The following CLMN variants were observed in gnomAD, a reference collection of about 807,000 sequenced individuals.
The protein encoded by CLMN is calmin.
Under a neutral mutation model 92.7 loss-of-function variants are expected in CLMN, and 57 were observed. That is an observed-to-expected ratio of 0.61 (90% confidence interval 0.50 to 0.77). The LOEUF (loss-of-function observed/expected upper bound fraction) is 0.77, where lower values mean the gene tolerates loss of function less well. CLMN is among the 30% of genes least tolerant of loss of function. The pLI, the probability that CLMN is intolerant of heterozygous loss-of-function variation, is 0.00. For synonymous variants in CLMN, 466 were observed against 470.6 expected (o/e 0.99, Z 0.13); for missense variants, 1,158 against 1,237.5 (o/e 0.94, Z 0.96).
At chr14:95,193,236 G>A (rs1896603951) in intron 12 of CLMN, 6 of 880,870 alleles carry the variant, frequency 6.8e-6, no homozygotes, top group Non-Finnish European at 1.1e-5. Flanking sequence ...CGTTTTTCTG[G>A]TTTCCTATGT....
At chr14:95,266,809 A>T (rs934798960) in intron 1 of CLMN, among the ~76,000 whole-genome samples, 21 of 152,238 alleles carry the variant, frequency 1.4e-4, no homozygotes, top group Non-Finnish European at 1.5e-5. Context: ...AAGCCAAGTA[A>T]CCAAAACAGC....
intron 1 of CLMN, among the ~76,000 whole-genome samples, chr14:95,301,765 C>T (rs1008146831): frequency 3.3e-5 from 5 of 152,222 alleles, no homozygotes; most frequent in African/African-American, 9.6e-5. Context: ...AACGCAAAGT[C>T]CTTCTATAGG....
chr14:95,297,148 A>T (rs1900839513), intron 1 of CLMN, among the ~76,000 whole-genome samples: 1 of 152,200 alleles, frequency 6.6e-6, no homozygotes, highest in African/African-American at 2.4e-5. Flanking sequence ...TCATTTACAA[A>T]GTAAGCCTAT....
chr14:95,211,334 G>A (rs1044679940), intron 6 of CLMN, among the ~76,000 whole-genome samples: 4 of 152,152 alleles, frequency 2.6e-5, no homozygotes, highest in African/African-American at 9.7e-5. Flanking sequence ...GAACTTGCTG[G>A]GGCTTTTGTG....
intron 1 of CLMN, among the ~76,000 whole-genome samples, chr14:95,275,958 T>C (rs1899910150): frequency 6.6e-6 from 1 of 152,214 alleles, no homozygotes; most frequent in Non-Finnish European, 1.5e-5. Context: ...CCACCATGCC[T>C]GGCCTTTTTC....
At chr14:95,258,694 TTG>T (rs1352832296) in intron 1 of CLMN, among the ~76,000 whole-genome samples, 2 of 134,446 alleles carry the variant, frequency 1.5e-5, no homozygotes, top group Non-Finnish European at 3.1e-5. Context: ...TGGTGTGTGG[TTG>T]TGTGTGGAGG....
intron 1 of CLMN, among the ~76,000 whole-genome samples, chr14:95,288,345 T>C (rs183440285): frequency 6.6e-6 from 1 of 152,258 alleles, no homozygotes; most frequent in East Asian, 1.9e-4. Flanking sequence ...TTGAAAGAGA[T>C]AAGCCTAAGA....
chr14:95,224,826 C>T (rs1301516132), intron 2 of CLMN, among the ~76,000 whole-genome samples: 1 of 152,182 alleles, frequency 6.6e-6, no homozygotes, highest in Admixed American at 6.5e-5. Flanking sequence ...AGTGTGCCCT[C>T]CTGAGGTGCC....
chr14:95,221,662 T>TGTTA, intron 4 of CLMN, 29 bp downstream of exon 4: 4 of 1,593,366 alleles, frequency 2.5e-6, no homozygotes, highest in Non-Finnish European at 3.4e-6. Context: ...GACAAGCTTG[T>TGTTA]GTTAGCAGGA....
chr14:95,301,493 A>G (rs74077857), intron 1 of CLMN, among the ~76,000 whole-genome samples: 20,538 of 138,510 alleles, frequency 0.15, 2,167 homozygotes, highest in African/African-American at 0.29. Flanking sequence ...ACACTCACAC[A>G]TTGAGGGATG....
At chr14:95,276,825 C>T (rs920120421) in intron 1 of CLMN, among the ~76,000 whole-genome samples, 7 of 152,178 alleles carry the variant, frequency 4.6e-5, no homozygotes, top group African/African-American at 1.7e-4. Context: ...TGTTTTGTCA[C>T]GCATATTTTT....
chr14:95,216,760 T>C (rs765415397), intron 4 of CLMN, among the ~76,000 whole-genome samples: 7 of 152,214 alleles, frequency 4.6e-5, no homozygotes, highest in Non-Finnish European at 1.0e-4. Context: ...TTAACTATGT[T>C]CTGACCACAG....
intron 5 of CLMN, among the ~76,000 whole-genome samples, chr14:95,214,455 T>A (rs1897277811): frequency 6.8e-6 from 1 of 147,312 alleles, no homozygotes; most frequent in Non-Finnish European, 1.5e-5. Context: ...GTTCAAGTAA[T>A]CCTCCAAACT....
At chr14:95,215,285 A>T (rs1444413085) in intron 5 of CLMN, among the ~76,000 whole-genome samples, 1 of 152,190 alleles carries the variant, frequency 6.6e-6, no homozygotes, top group Non-Finnish European at 1.5e-5. Context: ...ATCACCTCTA[A>T]GGAACACTGA....
chr14:95,245,206 TATTA>T (rs1447935003), intron 1 of CLMN, among the ~76,000 whole-genome samples: 10 of 24,844 alleles, frequency 4.0e-4, no homozygotes, highest in African/African-American at 4.8e-4. Context: ...TATATATATA[TATTA>T]TATATATATA....
At chr14:95,319,393 C>T (rs1429332256) in intron 1 of CLMN, among the ~76,000 whole-genome samples, 4 of 152,180 alleles carry the variant, frequency 2.6e-5, no homozygotes, top group Middle Eastern at 3.4e-3. Flanking sequence ...CCCCAAGAGC[C>T]CACGTACAAA....
chr14:95,288,135 A>C (rs1900412953), intron 1 of CLMN, among the ~76,000 whole-genome samples: 1 of 152,236 alleles, frequency 6.6e-6, no homozygotes, highest in Non-Finnish European at 1.5e-5. Context: ...AAACCCACGT[A>C]CAATTTCTAT....
At chr14:95,271,854 C>T (rs891381104) in intron 1 of CLMN, among the ~76,000 whole-genome samples, 2 of 152,230 alleles carry the variant, frequency 1.3e-5, no homozygotes, top group African/African-American at 4.8e-5. Context: ...ACTATCTTGA[C>T]TTCTATCATC....
In CLMN at chr14:95,242,260, T is replaced by C. The variant is rs1330232803; in HGVS notation, c.83-12127A>G. Among the ~76,000 whole-genome samples the C allele has an allele frequency of 8.6e-3, 1,149 of 133,622 alleles. 29 individuals are homozygous for C. Among genetic ancestry groups the C allele is most frequent in the African/African-American group, 0.017 (603 of 34,716 alleles). The allele number at this position is 133,622 out of a possible 152,430, so 87.7% of individuals were successfully genotyped here. ...TTCTTTTTTCTTTTTCTTTTTTTTT[T>C]TTTTTTTTTTTTTTTTGAGATGGAG... On this transcript the variant is annotated intron_variant, in intron 1 of 12. Coordinates refer to ENST00000298912, the MANE Select transcript of CLMN (RefSeq NM_024734.4).
Sources: allele counts gnomAD v4.1 joint callset (sites outside exome capture counted in the v4.1 genomes callset), GRCh38; gene constraint gnomAD v4.1.1; transcripts MANE v1.5; gene names NCBI Gene and HGNC (gene_info 2026-07-23, HGNC 2026-07-21).